Variants in ZNF609 observed in about 807,000 individuals in gnomAD.
ZNF609 encodes the protein zinc finger protein 609.
A neutral mutation model predicts 109.5 loss-of-function variants in ZNF609; 11 were observed. The observed-to-expected ratio is 0.10, with a 90% CI of 0.06 to 0.17. ZNF609 has a LOEUF of 0.17. Ranked by LOEUF, ZNF609 falls within the 10% of genes least tolerant of loss-of-function variation. ZNF609 has a pLI of 1.00. For missense variants in ZNF609, 1,559 were observed against 1,772.4 expected (o/e 0.88, Z 2.16); for synonymous variants, 646 against 662.0 (o/e 0.98, Z 0.37).
intron 2 of ZNF609, among the ~76,000 whole-genome samples, chr15:64,561,871 G>A (rs1894686748): frequency 6.6e-6 from 1 of 152,090 alleles, no homozygotes; most frequent in South Asian, 2.1e-4. Context: ...GAGTATGGAA[G>A]TCATTCAATT....
chr15:64,588,442 A>AAAAAAAAACAAAAAAG (rs71133451), intron 2 of ZNF609, among the ~76,000 whole-genome samples: 1 of 75,272 alleles, frequency 1.3e-5, no homozygotes, highest in Non-Finnish European at 2.3e-5. Flanking sequence ...AAAAAAAAAA[A>AAAAAAAAACAAAAAAG]AAGAAGAGGA....
At chr15:64,622,381 G>A (rs188669448) in intron 2 of ZNF609, among the ~76,000 whole-genome samples, 100 of 152,266 alleles carry the variant, frequency 6.6e-4, no homozygotes, top group African/African-American at 2.3e-3. Context: ...TGTACTGTTT[G>A]CTGAATGATA....
At chr15:64,556,456 A>G (rs965234025) in intron 2 of ZNF609, among the ~76,000 whole-genome samples, 11 of 151,614 alleles carry the variant, frequency 7.3e-5, no homozygotes, top group Middle Eastern at 3.4e-3. Flanking sequence ...AATGCCAGCC[A>G]TTATTCTAAA....
intron 2 of ZNF609, among the ~76,000 whole-genome samples, chr15:64,594,766 C>A (rs113614168): frequency 0.032 from 4,862 of 151,592 alleles, 123 homozygotes; most frequent in African/African-American, 0.069. Context: ...GTGGCTCACG[C>A]CTGTAATCCC....
At chr15:64,525,011 A>G (rs1214234802) in intron 2 of ZNF609, among the ~76,000 whole-genome samples, 1 of 152,176 alleles carries the variant, frequency 6.6e-6, no homozygotes, top group Non-Finnish European at 1.5e-5. Context: ...AATAATAGCC[A>G]TCCTGGTGGG....
rs192834815 is a variant in ZNF609 at position 64,467,574 on chromosome 15, C to T, written c.-128+6736C>T. 1.2e-4 allele frequency among the ~76,000 whole-genome samples: 18 copies of T among 152,326 alleles called. No homozygotes were observed. In the East Asian group the frequency reaches 1.9e-3, roughly 16 times the overall value. The stretch of plus-strand genomic sequence containing the variant: ...AGAAAACATGTGCCTTAGCCCGGTG[C>T]GGTGGCTTACGCCTCTAATCTAAGC... On this transcript the variant is annotated intron_variant, in intron 1 of 9. Transcript: ENST00000326648.
At chr15:64,490,493 C>T (rs1248474987) in intron 1 of ZNF609, among the ~76,000 whole-genome samples, 2 of 151,890 alleles carry the variant, frequency 1.3e-5, no homozygotes, top group Non-Finnish European at 2.9e-5. Flanking sequence ...AGGCTGGTCT[C>T]GAACTCCCGA....
chr15:64,591,217 C>T (rs1895290071), intron 2 of ZNF609, among the ~76,000 whole-genome samples: 1 of 152,196 alleles, frequency 6.6e-6, no homozygotes, highest in East Asian at 1.9e-4. Context: ...ATCATGAGGT[C>T]AAGAGATCGA....
chr15:64,579,405 G>A (rs1348362324), intron 2 of ZNF609, among the ~76,000 whole-genome samples: 3 of 133,856 alleles, frequency 2.2e-5, no homozygotes, highest in Non-Finnish European at 4.7e-5. Context: ...GCAAGACCCT[G>A]TCTCAAAAAA....
chr15:64,526,092 G>A (rs1595707725), intron 2 of ZNF609, among the ~76,000 whole-genome samples: 1 of 143,364 alleles, frequency 7.0e-6, no homozygotes. Context: ...GCTCAGCCCT[G>A]TTTTTTCTTT....
rs116915005 is a variant in ZNF609 at position 64,551,056 on chromosome 15, T to C, written c.747+50890T>C. Among the ~76,000 whole-genome samples the C allele has an allele frequency of 4.0e-3, 614 of 152,270 alleles. 1 individual carries two copies. Among genetic ancestry groups the C allele is most frequent in the Non-Finnish European group, 7.8e-3 (531 of 68,026 alleles). On this transcript the variant is annotated intron_variant, in intron 2 of 9. Transcript: ENST00000326648. ...TGTATGTTTTTCTCTAAGAGTTTTATAATTTTAGCTTCTACATTTAGGATG... is the reference window on the plus strand; with the variant it reads ...TGTATGTTTTTCTCTAAGAGTTTTACAATTTTAGCTTCTACATTTAGGATG...
At chr15:64,588,442 A>AAAAAAAG (rs71133451) in intron 2 of ZNF609, among the ~76,000 whole-genome samples, 2 of 75,280 alleles carry the variant, frequency 2.7e-5, no homozygotes, top group East Asian at 5.8e-4. Flanking sequence ...AAAAAAAAAA[A>AAAAAAAG]AAGAAGAGGA....
At chr15:64,567,048 A>C (rs1394255884) in intron 2 of ZNF609, among the ~76,000 whole-genome samples, 1 of 152,236 alleles carries the variant, frequency 6.6e-6, no homozygotes, top group Non-Finnish European at 1.5e-5. Flanking sequence ...CCTATTAGGC[A>C]GTTATAAGGA....
intron 2 of ZNF609, among the ~76,000 whole-genome samples, chr15:64,585,255 G>A (rs530220993): frequency 1.3e-5 from 2 of 152,210 alleles, no homozygotes; most frequent in East Asian, 1.9e-4. Flanking sequence ...AACCTGAGAG[G>A]TGGTGGTTGC....
intron 2 of ZNF609, among the ~76,000 whole-genome samples, chr15:64,517,382 AAAC>A (rs1352907791): frequency 1.3e-5 from 2 of 152,178 alleles, no homozygotes; most frequent in Non-Finnish European, 2.9e-5. Flanking sequence ...GTCTCAAACA[AAAC>A]AAAACAAAAT....
At chr15:64,469,500 C>CTT (rs1309775214) in intron 1 of ZNF609, among the ~76,000 whole-genome samples, 1 of 131,512 alleles carries the variant, frequency 7.6e-6, no homozygotes. Context: ...AAGTGAGCAT[C>CTT]TTTTTTTTTT....
intron 3 of ZNF609, among the ~76,000 whole-genome samples, chr15:64,646,754 C>G (rs1056235437): frequency 1.5e-4 from 23 of 150,334 alleles, no homozygotes; most frequent in African/African-American, 5.4e-4. Flanking sequence ...GCCTGGCCAA[C>G]ATGGTGAAAC....
chr15:64,649,152 A>C (rs1896378707), intron 3 of ZNF609, among the ~76,000 whole-genome samples: 1 of 152,210 alleles, frequency 6.6e-6, no homozygotes. Flanking sequence ...TTTGAGAAAA[A>C]AAAAATAGAA....
intron 2 of ZNF609, among the ~76,000 whole-genome samples, chr15:64,505,673 C>T (rs1471711520): frequency 2.6e-5 from 4 of 152,040 alleles, no homozygotes; most frequent in African/African-American, 4.8e-5. Context: ...CTAGATATGC[C>T]GAATAAGTTT....
Sources: allele counts gnomAD v4.1 joint callset (sites outside exome capture counted in the v4.1 genomes callset), GRCh38; gene constraint gnomAD v4.1.1; transcripts MANE v1.5; gene names NCBI Gene and HGNC (gene_info 2026-07-23, HGNC 2026-07-21).